Variants in NEK7 observed in about 807,000 individuals in gnomAD.
NEK7 encodes serine/threonine-protein kinase Nek7.
A neutral mutation model predicts 44.6 loss-of-function variants in NEK7; 18 were observed. The observed-to-expected ratio is 0.40, with a 90% CI of 0.28 to 0.60. The LOEUF (loss-of-function observed/expected upper bound fraction) is 0.60, where lower values mean the gene tolerates loss of function less well. Among genes scored for constraint, NEK7 ranks in the 20% least tolerant of loss-of-function variants. The pLI is 0.38. For missense variants in NEK7, 256 were observed against 366.5 expected (o/e 0.70, Z 2.46); for synonymous variants, 130 against 121.1 (o/e 1.07, Z -0.48).
intron 1 of NEK7, among the ~76,000 whole-genome samples, chr1:198,209,367 T>A (rs1665699861): frequency 6.6e-6 from 1 of 152,108 alleles, no homozygotes; most frequent in Non-Finnish European, 1.5e-5. Context: ...GTAGAATAAT[T>A]CAGCAAATAT....
chr1:198,285,912 G>A (rs1320051207), intron 7 of NEK7, among the ~76,000 whole-genome samples: 1 of 151,986 alleles, frequency 6.6e-6, no homozygotes, highest in South Asian at 2.1e-4. Flanking sequence ...GGGTGGTAGT[G>A]GTGAATGAAG....
chr1:198,164,639 C>T (rs1664211549), intron 1 of NEK7, among the ~76,000 whole-genome samples: 1 of 152,020 alleles, frequency 6.6e-6, no homozygotes, highest in Non-Finnish European at 1.5e-5. Flanking sequence ...ATTTTATTGC[C>T]AAAAAATGCT....
At chr1:198,244,376 A>G (rs543669951) in intron 2 of NEK7, among the ~76,000 whole-genome samples, 2 of 152,302 alleles carry the variant, frequency 1.3e-5, no homozygotes, top group South Asian at 4.1e-4. Context: ...ATCCTGAATT[A>G]TCTTATTGCT....
intron 5 of NEK7, among the ~76,000 whole-genome samples, chr1:198,269,354 G>GT (rs1249127407): frequency 6.6e-6 from 1 of 152,058 alleles, no homozygotes; most frequent in Non-Finnish European, 1.5e-5. Flanking sequence ...GATATTCAGT[G>GT]TATTTTTTTA....
chr1:198,301,418 C>T (rs963735893), intron 9 of NEK7, among the ~76,000 whole-genome samples: 36 of 152,264 alleles, frequency 2.4e-4, no homozygotes, highest in East Asian at 7.7e-4. Flanking sequence ...GGCGTGGTGG[C>T]GGGCGCCTGT....
chr1:198,208,779 G>A (rs754815895), intron 1 of NEK7, among the ~76,000 whole-genome samples: 34 of 152,066 alleles, frequency 2.2e-4, no homozygotes, highest in Non-Finnish European at 4.3e-4. Context: ...CCAAATCATG[G>A]GGATGTTCAT....
intron 8 of NEK7, among the ~76,000 whole-genome samples, chr1:198,294,191 T>A (rs1434420897): frequency 6.6e-6 from 1 of 151,998 alleles, no homozygotes; most frequent in African/African-American, 2.4e-5. Flanking sequence ...AAAGGATTTT[T>A]AAATATTCTT....
intron 1 of NEK7, among the ~76,000 whole-genome samples, chr1:198,209,350 A>C (rs1665699588): frequency 6.6e-6 from 1 of 152,050 alleles, no homozygotes; most frequent in South Asian, 2.1e-4. Context: ...TAGATTACAG[A>C]TTCTTAGTAG....
intron 9 of NEK7, among the ~76,000 whole-genome samples, chr1:198,307,965 G>T (rs1655063897): frequency 6.6e-6 from 1 of 152,030 alleles, no homozygotes; most frequent in Non-Finnish European, 1.5e-5. Flanking sequence ...AGACCTGCCT[G>T]GAAAAAATCA....
intron 7 of NEK7, among the ~76,000 whole-genome samples, chr1:198,281,168 T>C (rs554514984): frequency 5.3e-5 from 8 of 152,098 alleles, no homozygotes; most frequent in African/African-American, 1.9e-4. Flanking sequence ...ATACAATATG[T>C]ATAAAATAGC....
intron 8 of NEK7, among the ~76,000 whole-genome samples, chr1:198,295,588 A>G (rs1230599728): frequency 6.6e-6 from 1 of 151,828 alleles, no homozygotes; most frequent in African/African-American, 2.4e-5. Flanking sequence ...ATGAAAATAT[A>G]CTATTCCTGT....
chr1:198,158,092 C>T (rs1663970878), intron 1 of NEK7, among the ~76,000 whole-genome samples: 1 of 152,192 alleles, frequency 6.6e-6, no homozygotes, highest in Non-Finnish European at 1.5e-5. Flanking sequence ...ACTCCTAAAA[C>T]CGCAGCATCC....
intron 5 of NEK7, among the ~76,000 whole-genome samples, chr1:198,265,123 G>A (rs1653606018): frequency 6.6e-6 from 1 of 152,080 alleles, no homozygotes; most frequent in Non-Finnish European, 1.5e-5. Context: ...GGCTTGAAGG[G>A]ACAAAGAGTA....
chr1:198,212,363 G>T (rs958227053), intron 1 of NEK7, among the ~76,000 whole-genome samples: 2 of 152,204 alleles, frequency 1.3e-5, no homozygotes, highest in Non-Finnish European at 2.9e-5. Flanking sequence ...AGGCTGCCTG[G>T]AATTCAGCTA....
intron 1 of NEK7, among the ~76,000 whole-genome samples, chr1:198,166,345 C>T (rs902517026): frequency 1.3e-5 from 2 of 152,210 alleles, no homozygotes; most frequent in Non-Finnish European, 2.9e-5. Context: ...TTTGGACTAG[C>T]ACTTTTAATT....
chr1:198,306,098 T>C (rs761994630), intron 9 of NEK7, among the ~76,000 whole-genome samples: 1 of 152,172 alleles, frequency 6.6e-6, no homozygotes, highest in Non-Finnish European at 1.5e-5. Context: ...AAATTGTACA[T>C]ACCAGTAGTG....
At chr1:198,248,839 C>A (rs1432993397) in intron 2 of NEK7, among the ~76,000 whole-genome samples, 1 of 151,446 alleles carries the variant, frequency 6.6e-6, no homozygotes, top group Non-Finnish European at 1.5e-5. Context: ...ATAAGGAGTT[C>A]TTTTTTTGTG....
intron 1 of NEK7, among the ~76,000 whole-genome samples, chr1:198,186,041 T>C (rs1664913444): frequency 6.6e-6 from 1 of 152,236 alleles, no homozygotes; most frequent in Admixed American, 6.5e-5. Flanking sequence ...GGAGCTATGC[T>C]GCAGCCCTTG....
chr1:198,165,135 C>G (rs1664228025), intron 1 of NEK7, among the ~76,000 whole-genome samples: 1 of 152,226 alleles, frequency 6.6e-6, no homozygotes, highest in South Asian at 2.1e-4. Context: ...GCTGTTTCCA[C>G]CACATTTGTA....
Sources: gnomAD v4.1 joint callset for allele counts (sites outside exome capture counted in the v4.1 genomes callset) on GRCh38, gnomAD v4.1.1 for gene constraint, MANE v1.5 for transcripts, NCBI Gene and HGNC (gene_info 2026-07-23, HGNC 2026-07-21) for gene names.